CTIF: variants seen among roughly 807,000 people sequenced by gnomAD.
CTIF encodes the protein cap binding complex dependent translation initiation factor, also known as CBP80/20-dependent translation initiation factor.
Under a neutral mutation model 66.0 loss-of-function variants are expected in CTIF, and 21 were observed. The ratio of observed to expected loss-of-function variants is 0.32; its 90% confidence interval spans 0.23 to 0.46. CTIF has a LOEUF of 0.46. Ranked by LOEUF, CTIF falls within the 20% of genes least tolerant of loss-of-function variation. The pLI, the probability that CTIF is intolerant of heterozygous loss-of-function variation, is 1.00. For missense variants in CTIF, 739 were observed against 812.7 expected (o/e 0.91, Z 1.10); for synonymous variants, 345 against 326.4 (o/e 1.06, Z -0.62).
intron 5 of CTIF, among the ~76,000 whole-genome samples, chr18:48,669,812 TATA>T (rs1568120630): frequency 1.9e-5 from 2 of 106,802 alleles, no homozygotes; most frequent in East Asian, 6.2e-4. Flanking sequence ...TATATATATA[TATA>T]TATATATATA....
At chr18:48,701,814 C>T (rs1277516141) in intron 6 of CTIF, among the ~76,000 whole-genome samples, 1 of 152,092 alleles carries the variant, frequency 6.6e-6, no homozygotes, top group Non-Finnish European at 1.5e-5. Context: ...ACATGGCTAC[C>T]CGTGGAGGGC....
At chr18:48,640,788 A>T (rs1378759093) in intron 3 of CTIF, among the ~76,000 whole-genome samples, 2 of 152,252 alleles carry the variant, frequency 1.3e-5, no homozygotes, top group Non-Finnish European at 2.9e-5. Context: ...CACTGGGATG[A>T]TTGATTCATC....
intron 1 of CTIF, among the ~76,000 whole-genome samples, chr18:48,575,882 G>C (rs2089520628): frequency 1.3e-5 from 2 of 152,172 alleles, no homozygotes; most frequent in Admixed American, 1.3e-4. Context: ...GCTTTTGCCT[G>C]GACGAAGGCC....
In CTIF at chr18:48,581,229, G is replaced by GT. The variant is rs569088936; in HGVS notation, c.-28-38301dup. On this transcript the variant is annotated intron_variant, in intron 1 of 11. Coordinates refer to ENST00000256413, the MANE Select transcript of CTIF (RefSeq NM_014772.3). ...TTTTTTTGTTTTTGTTTTTTTTTGGGTTTTTTTTGTTGTTGTTGTTAGATT... is the reference window on the plus strand; with the variant it reads ...TTTTTTTGTTTTTGTTTTTTTTTGGGTTTTTTTTTGTTGTTGTTGTTAGATT... Among the ~76,000 whole-genome samples the GT allele has an allele frequency of 3.5e-3, 519 of 149,174 alleles. 3 individuals carry two copies. The highest frequency in any genetic ancestry group is 6.8e-3 in the Middle Eastern group (2 of 292).
chr18:48,589,093 G>T (rs938810348), intron 1 of CTIF, among the ~76,000 whole-genome samples: 1 of 152,186 alleles, frequency 6.6e-6, no homozygotes, highest in Admixed American at 6.5e-5. Flanking sequence ...GGGTCACGTC[G>T]TTGGAGGTTT....
intron 9 of CTIF, among the ~76,000 whole-genome samples, chr18:48,778,485 G>A (rs1599027769): frequency 6.6e-6 from 1 of 152,208 alleles, no homozygotes; most frequent in African/African-American, 2.4e-5. Flanking sequence ...TATCTTCATC[G>A]ATGGGACTCT....
chr18:48,652,425 C>T (rs1162003078), intron 3 of CTIF, among the ~76,000 whole-genome samples: 1 of 152,178 alleles, frequency 6.6e-6, no homozygotes, highest in Non-Finnish European at 1.5e-5. Context: ...CCTCCCAAGA[C>T]TAAACCAGGA....
chr18:48,827,045 G>A (rs1441075493), intron 10 of CTIF, among the ~76,000 whole-genome samples: 2 of 152,114 alleles, frequency 1.3e-5, no homozygotes, highest in Non-Finnish European at 2.9e-5. Context: ...AAGGCGTGGG[G>A]GCCAGAATAA....
chr18:48,640,958 TA>T (rs2144668493), intron 3 of CTIF, among the ~76,000 whole-genome samples: 1 of 152,162 alleles, frequency 6.6e-6, no homozygotes, highest in East Asian at 1.9e-4. Context: ...GTGTAGAGCA[TA>T]AAAAGGGCTA....
intron 1 of CTIF, among the ~76,000 whole-genome samples, chr18:48,592,081 C>G (rs942594250): frequency 6.6e-6 from 1 of 152,156 alleles, no homozygotes; most frequent in Admixed American, 6.5e-5. Flanking sequence ...TGAAACACCC[C>G]GGTATTATCT....
chr18:48,554,056 G>A (rs2088957824), intron 1 of CTIF, among the ~76,000 whole-genome samples: 2 of 152,158 alleles, frequency 1.3e-5, no homozygotes, highest in African/African-American at 4.8e-5. Flanking sequence ...AGATTGCAGT[G>A]GGTGAAGAGG....
intron 9 of CTIF, among the ~76,000 whole-genome samples, chr18:48,810,394 A>T (rs1229706820): frequency 6.6e-6 from 1 of 152,108 alleles, no homozygotes; most frequent in Non-Finnish European, 1.5e-5. Context: ...GTTATTTCCT[A>T]GATAATCTAA....
At position 48,580,661 on chromosome 18, in the gene CTIF, A is replaced by C. The variant is rs540328686; in HGVS notation, c.-28-38877A>C. On this transcript the variant is annotated intron_variant, in intron 1 of 11. Coordinates refer to ENST00000256413, the MANE Select transcript of CTIF (RefSeq NM_014772.3). ...GGACCACCGTTCGGGACCCTCTCTG[A>C]CTGGGACTGTCATTCCCCTGTTTAC... Among the ~76,000 whole-genome samples, 3 of 152,220 alleles carry C rather than the reference A, an allele frequency of 2.0e-5. No homozygotes were observed. The East Asian group carries it at 5.8e-4, about 29-fold the overall frequency.
intron 1 of CTIF, among the ~76,000 whole-genome samples, chr18:48,548,528 G>A (rs1236003645): frequency 6.6e-6 from 1 of 152,226 alleles, no homozygotes; most frequent in Non-Finnish European, 1.5e-5. Context: ...GCATCTGTGT[G>A]GGTCACATAT....
chr18:48,816,542 C>A (rs746311207), intron 9 of CTIF, among the ~76,000 whole-genome samples: 82 of 152,204 alleles, frequency 5.4e-4, no homozygotes, highest in Non-Finnish European at 1.1e-3. Context: ...CCATGGAACC[C>A]AGCTCCTTGG....
intron 7 of CTIF, among the ~76,000 whole-genome samples, chr18:48,741,420 C>CT (rs11425141): frequency 0.13 from 13,583 of 104,816 alleles, 1,529 homozygotes; most frequent in African/African-American, 0.21. Flanking sequence ...GTGACCAGGG[C>CT]TTTTTTTTTT....
At chr18:48,759,466 C>G (rs1235254099) in intron 8 of CTIF, among the ~76,000 whole-genome samples, 1 of 152,188 alleles carries the variant, frequency 6.6e-6, no homozygotes, top group Non-Finnish European at 1.5e-5. Context: ...AGATGCTGCT[C>G]CCAGTATCCT....
At chr18:48,607,059 G>T (rs2090215328) in intron 1 of CTIF, among the ~76,000 whole-genome samples, 1 of 152,156 alleles carries the variant, frequency 6.6e-6, no homozygotes, top group Non-Finnish European at 1.5e-5. Context: ...ACAATCTGTG[G>T]GGAATACAAT....
At chr18:48,681,048 C>A (rs192001696) in intron 6 of CTIF, among the ~76,000 whole-genome samples, 14 of 152,356 alleles carry the variant, frequency 9.2e-5, no homozygotes, top group Admixed American at 2.6e-4. Context: ...GGCGGCCCCC[C>A]CAGGACACAC....
Sources: allele counts gnomAD v4.1 joint callset (sites outside exome capture counted in the v4.1 genomes callset), GRCh38; gene constraint gnomAD v4.1.1; transcripts MANE v1.5; gene names NCBI Gene and HGNC (gene_info 2026-07-23, HGNC 2026-07-21).